LBP: variants seen among roughly 807,000 people sequenced by gnomAD.
LBP encodes lipopolysaccharide binding protein.
LBP carries 53 observed loss-of-function variants against 56.6 expected under a neutral mutation model. The observed-to-expected ratio is 0.94, with a 90% CI of 0.75 to 1.18. The LOEUF (loss-of-function observed/expected upper bound fraction) is 1.18. Among genes scored for constraint, LBP ranks in the 50% most tolerant of loss-of-function variants. LBP has a pLI of 0.00. For synonymous variants in LBP, 227 were observed against 247.5 expected (o/e 0.92, Z 0.78); for missense variants, 601 against 598.3 (o/e 1.00, Z -0.05).
intron 8 of LBP, among the ~76,000 whole-genome samples, chr20:38,365,106 G>A (rs1223845072): frequency 6.6e-6 from 1 of 151,636 alleles, no homozygotes; most frequent in Admixed American, 6.6e-5. Context: ...GTGGTGGTGT[G>A]CGCCTGTAAT....
chr20:38,376,633 G>A lies in LBP; in HGVS notation c.1410G>A (p.Leu470=), dbSNP rs747207728. 1.2e-6 allele frequency: 2 copies of A among 1,614,028 alleles called. No homozygotes were observed. Among genetic ancestry groups the A allele is most frequent in the Non-Finnish European group, 1.7e-6 (2 of 1,179,882 alleles). ...TGTCCTGTTTTTCCTAGGACTTCCT[G>A]TTCTTGGGTGCCAATGTCCAATACA... ...DLGLQIHKDF[L]FLGANVQYMR... The change falls in exon 15 of 15, where the codon CTG becomes CTA. Residue 470 remains leucine, a synonymous_variant. Transcript: ENST00000217407.
At position 38,350,902 on chromosome 20, in the gene LBP, C is replaced by A; in HGVS notation, c.331C>A (p.Arg111=). 4 of 1,614,066 alleles carry A rather than the reference C, an allele frequency of 2.5e-6. No individual in the cohort carries two copies. Residue 111 remains arginine, a synonymous_variant, in exon 3 of 15, where the codon CGG becomes AGG. Transcript: ENST00000217407. ...TCTCAGCATCTCCGACTCCTCCATC[C>A]GGGTCCAGGGCAGGTGGAAGGTGCG... The part of the protein sequence containing the change: ...LSLSISDSSI[R]VQGRWKVRKS...
intron 13 of LBP, among the ~76,000 whole-genome samples, chr20:38,373,617 G>A (rs1220935599): frequency 6.6e-6 from 1 of 152,194 alleles, no homozygotes; most frequent in African/African-American, 2.4e-5. Flanking sequence ...GGAACGCCCT[G>A]TTCTTTATCT....
At chr20:38,375,737 C>T (rs2083955034) in intron 14 of LBP, among the ~76,000 whole-genome samples, 1 of 152,114 alleles carries the variant, frequency 6.6e-6, no homozygotes, top group East Asian at 1.9e-4. Context: ...TTCAGGTTAT[C>T]TTTTGAGGTG....
At position 38,357,829 on chromosome 20, in the gene LBP, AC is replaced by A. The variant is rs1355839871; in HGVS notation, c.588+2422del. ...AACTGAGGGTTCCTTCCCCTTTTAG[AC>A]CATATAGGGTAACTTGGAAATTGCC... On this transcript the variant is annotated intron_variant, in intron 5 of 14. Transcript: ENST00000217407. Among the ~76,000 whole-genome samples the A allele has an allele frequency of 2.0e-5, 3 of 152,288 alleles. No homozygotes were observed. The South Asian group carries it at 6.2e-4, about 32-fold the overall frequency.
rs2122615929 is a variant in LBP at position 38,364,605 on chromosome 20, T to C, written c.774T>C (p.Ser258=). 6.2e-7 allele frequency: 1 copy of C among 1,614,146 alleles called. No homozygotes were observed. Among genetic ancestry groups the C allele is most frequent in the South Asian group, 1.1e-5 (1 of 91,082 alleles). ...KGEIFHRNHR[S]PVTLLAAVMS... is the part of the protein sequence containing the mutation. ...AAATCTTTCATCGTAACCACCGTTC[T>C]CCAGTTACCCTCCTTGCTGCAGTCA... Residue 258 remains serine (S), a synonymous_variant, in exon 8 of 15, where the codon TCT becomes TCC. Coordinates refer to ENST00000217407, the MANE Select transcript of LBP (RefSeq NM_004139.5).
At chr20:38,356,542 G>A (rs747854902) in intron 5 of LBP, among the ~76,000 whole-genome samples, 3 of 152,012 alleles carry the variant, frequency 2.0e-5, no homozygotes, top group Non-Finnish European at 4.4e-5. Context: ...CGCATTTTGG[G>A]TGTGGCCAGC....
chr20:38,360,275 C>CA (rs1046372053), intron 5 of LBP, among the ~76,000 whole-genome samples: 54 of 140,214 alleles, frequency 3.9e-4, no homozygotes, highest in African/African-American at 1.6e-3. Context: ...AAAAAAAAAA[C>CA]AAAAAAACTA....
chr20:38,349,095 A>G (rs1022578452), intron 1 of LBP, among the ~76,000 whole-genome samples: 14 of 152,126 alleles, frequency 9.2e-5, no homozygotes, highest in Admixed American at 7.9e-4. Context: ...ACGCCCAGCA[A>G]ATGTATTGTT....
chr20:38,354,280 C>T lies in LBP; in HGVS notation c.369-4C>T, dbSNP rs867605950. The T allele has an allele frequency of 5.6e-6, 9 of 1,610,694 alleles. 1 individual carries two copies. In the Middle Eastern group the frequency reaches 1.3e-3, roughly 237 times the overall value. On this transcript the variant is annotated splice_region_variant and splice_polypyrimidine_tract_variant and intron_variant, in intron 3 of 14. Transcript: ENST00000217407. ...CTAACCATGGCTTCTCTTACCTCCTCCAGCAAACTACAGGGCTCCTTTGAT... is the reference window on the plus strand; with the variant it reads ...CTAACCATGGCTTCTCTTACCTCCTTCAGCAAACTACAGGGCTCCTTTGAT...
chr20:38,369,300 C>A, intron 10 of LBP, 138 bp downstream of exon 10: 1 of 872,590 alleles, frequency 1.1e-6, no homozygotes, highest in Non-Finnish European at 1.7e-6. Context: ...CGAGAGAGGG[C>A]TTTCTTGCTG....
At chr20:38,366,911 C>T in intron 9 of LBP, 83 bp downstream of exon 9, 1 of 1,269,612 alleles carries the variant, frequency 7.9e-7, no homozygotes, top group Non-Finnish European at 1.2e-6. Flanking sequence ...CTGCATCTCT[C>T]AGCTTGACCA....
At position 38,369,129 on chromosome 20, in the gene LBP, C is replaced by G. The variant is rs1354627198; in HGVS notation, c.1116C>G (p.Ser372Arg). The change falls in exon 10 of 15, where the codon AGC becomes AGG. Residue 372 changes from serine to arginine, a missense_variant. Coordinates refer to ENST00000217407, the MANE Select transcript of LBP (RefSeq NM_004139.5). ...MEIDAFVLLP[S>R]SSKEPVFRLS... ...TAGATGCCTTTGTGCTCCTGCCCAG[C>G]TCCAGCAAGGAGCCTGTCTTCCGGC... is the stretch of plus-strand genomic sequence containing the variant. 1 of 1,614,128 alleles carries G rather than the reference C, an allele frequency of 6.2e-7. No individual in the cohort carries two copies. Among genetic ancestry groups the G allele is most frequent in the South Asian group, 1.1e-5 (1 of 91,066 alleles).
chr20:38,360,649 G>C (rs2076856528), intron 5 of LBP, 55 bp from the exon 6 acceptor site: 1 of 1,253,274 alleles, frequency 8.0e-7, no homozygotes, highest in Non-Finnish European at 1.2e-6. Flanking sequence ...GATCAGCACG[G>C]GGCCAGACCA....
In LBP at chr20:38,376,942, G is replaced by A. The variant is rs747740949; in HGVS notation, c.*273G>A. The A allele has an allele frequency of 5.0e-6, 3 of 600,546 alleles. No homozygotes were observed. Among genetic ancestry groups the A allele is most frequent in the African/African-American group, 3.7e-5 (2 of 54,644 alleles). 37.2% of individuals were successfully genotyped at this position (600,546 alleles called of 1,614,324 possible). A position where few individuals can be genotyped will look rare whatever the true frequency, so the allele number is the denominator to read the frequency against. ...AAGCAGGCACTGTATTTTTTTATTC[G>A]CCATCTGATCCCCATGCCTAGCAGA... is the stretch of plus-strand genomic sequence containing the variant. On this transcript the variant is annotated 3_prime_UTR_variant, in exon 15 of 15. Coordinates refer to ENST00000217407, the MANE Select transcript of LBP (RefSeq NM_004139.5).
chr20:38,375,041 C>T (rs1160697657), intron 14 of LBP, among the ~76,000 whole-genome samples: 5 of 149,728 alleles, frequency 3.3e-5, no homozygotes, highest in Non-Finnish European at 7.4e-5. Flanking sequence ...AAGTGATATG[C>T]TCACCTCAGC....
rs1390628774 is a variant in LBP, at chr20:38,366,905, A to C, written c.981+77A>C. On this transcript the variant is annotated intron_variant, in intron 9 of 14. Transcript: ENST00000217407. ...AGAGGTTTCTCTTTAAAACCTCTGC[A>C]TCTCTCAGCTTGACCAAGAGTGAGA... The C allele has an allele frequency of 2.0e-5, 27 of 1,320,986 alleles. No individual in the cohort carries two copies. In the East Asian group the frequency reaches 5.7e-4, roughly 28 times the overall value. 81.8% of individuals were successfully genotyped at this position (1,320,986 alleles called of 1,614,324 possible).
chr20:38,354,532 C>A, intron 4 of LBP, 93 bp downstream of exon 4: 1 of 1,226,920 alleles, frequency 8.2e-7, no homozygotes, highest in East Asian at 2.5e-5. Flanking sequence ...TTGCAATGAT[C>A]CAGGTGGCTT....
intron 14 of LBP, among the ~76,000 whole-genome samples, chr20:38,375,935 A>G (rs1166451792): frequency 6.6e-6 from 1 of 152,232 alleles, no homozygotes; most frequent in Non-Finnish European, 1.5e-5. Context: ...GGGCTCTGAG[A>G]TACTCAGCAC....
Sources: gnomAD v4.1 joint callset for allele counts (sites outside exome capture counted in the v4.1 genomes callset) on GRCh38, gnomAD v4.1.1 for gene constraint, MANE v1.5 for transcripts, NCBI Gene and HGNC (gene_info 2026-07-23, HGNC 2026-07-21) for gene names.